EYS: variants seen among roughly 807,000 people sequenced by gnomAD.
EYS encodes EGF-like photoreceptor maintenance factor, also known as protein eyes shut homolog.
Under a neutral mutation model 282.1 loss-of-function variants are expected in EYS, and 250 were observed. The observed-to-expected ratio is 0.89, with a 90% CI of 0.80 to 0.98. The LOEUF (loss-of-function observed/expected upper bound fraction) is 0.98, where lower values mean the gene tolerates loss of function less well. Ranked by LOEUF, EYS falls within the 50% of genes least tolerant of loss-of-function variation. EYS has a pLI of 0.00. For synonymous variants in EYS, 1,355 were observed against 1,282.9 expected, an observed-to-expected ratio of 1.06 and a Z score of -1.20; for missense variants, 4,016 against 3,709.0, an observed-to-expected ratio of 1.08 and a Z score of -2.15.
Position 65,663,721 on chromosome 6 carries a change from G to C in EYS, c.-447-23829C>G, listed in dbSNP as rs1768089161. 2.0e-5 allele frequency among the ~76,000 whole-genome samples: 3 copies of C among 152,014 alleles called. 1 individual carries two copies. The South Asian group carries it at 6.2e-4, about 32-fold the overall frequency. On this transcript the variant is annotated intron_variant, in intron 1 of 42. Transcript: ENST00000503581. The stretch of plus-strand genomic sequence containing the variant: ...TTTTGAGACGGAGTCTCGCTCTCTT[G>C]CCCAGGCTGGAGTGCAGTGGCACGA...
intron 1 of EYS, among the ~76,000 whole-genome samples, chr6:65,651,648 A>C (rs912863499): frequency 3.9e-5 from 6 of 152,044 alleles, no homozygotes; most frequent in Non-Finnish European, 5.9e-5. Flanking sequence ...TAGAGGATGC[A>C]GGCTAGAATC....
At position 65,068,684 on chromosome 6, in the gene EYS, C is replaced by G. The variant is rs76912612; in HGVS notation, c.2024-10957G>C. 6.4e-3 allele frequency among the ~76,000 whole-genome samples: 966 copies of G among 152,070 alleles called. 10 individuals carry two copies. Among genetic ancestry groups the G allele is most frequent in the African/African-American group, 0.022 (920 of 41,508 alleles). On this transcript the variant is annotated intron_variant, in intron 12 of 42. Transcript: ENST00000503581. ...GTTTCTAGGTATCATAGGCCAGCTACCTCTGGCTTCAAGAAGGCTTGTAAG... is the reference window on the plus strand; with the variant it reads ...GTTTCTAGGTATCATAGGCCAGCTAGCTCTGGCTTCAAGAAGGCTTGTAAG...
chr6:64,577,019 G>A (rs919421090), intron 26 of EYS, among the ~76,000 whole-genome samples: 5 of 152,078 alleles, frequency 3.3e-5, no homozygotes, highest in Admixed American at 6.6e-5. Context: ...TACATGTAAC[G>A]GGAGGCAGAC....
chr6:63,829,227 G>C (rs2149689991), intron 36 of EYS, among the ~76,000 whole-genome samples: 1 of 152,332 alleles, frequency 6.6e-6, no homozygotes. Context: ...ACTGGGGCTT[G>C]TCAGATAGTG....
chr6:64,854,551 A>G (rs933957735), intron 19 of EYS, among the ~76,000 whole-genome samples: 1 of 133,072 alleles, frequency 7.5e-6, no homozygotes, highest in Admixed American at 9.3e-5. Context: ...ATGAGAACAC[A>G]TGGACACAGG....
chr6:64,019,421 TA>T (rs1206162243), intron 33 of EYS, among the ~76,000 whole-genome samples: 7 of 151,946 alleles, frequency 4.6e-5, no homozygotes, highest in African/African-American at 1.4e-4. Flanking sequence ...CTTTCCTTTT[TA>T]TTTTTTTAAA....
At chr6:64,525,497 G>T (rs534053918) in intron 26 of EYS, among the ~76,000 whole-genome samples, 36 of 151,516 alleles carry the variant, frequency 2.4e-4, no homozygotes, top group African/African-American at 8.0e-4. Context: ...ACAAAAGGGG[G>T]GCAATAGACA....
At chr6:64,859,425 G>T (rs963848271) in intron 19 of EYS, among the ~76,000 whole-genome samples, 2 of 147,888 alleles carry the variant, frequency 1.4e-5, no homozygotes, top group Non-Finnish European at 3.0e-5. Context: ...ACTCATGAAG[G>T]AATTGAATAA....
chr6:64,698,219 C>A (rs1167465019), intron 22 of EYS, among the ~76,000 whole-genome samples: 1 of 151,874 alleles, frequency 6.6e-6, no homozygotes, highest in Non-Finnish European at 1.5e-5. Context: ...GCATTAAATA[C>A]CTACATGAAA....
chr6:64,608,542 T>C (rs1461374386), intron 24 of EYS, among the ~76,000 whole-genome samples: 4 of 152,178 alleles, frequency 2.6e-5, no homozygotes, highest in Admixed American at 6.5e-5. Flanking sequence ...TACTGTATAA[T>C]CCAGTGAGTG....
At chr6:65,395,148 C>G (rs1485232271) in intron 7 of EYS, among the ~76,000 whole-genome samples, 1 of 152,232 alleles carries the variant, frequency 6.6e-6, no homozygotes, top group Non-Finnish European at 1.5e-5. Flanking sequence ...ACCGCAACCT[C>G]TGCCTCCCAG....
intron 26 of EYS, among the ~76,000 whole-genome samples, chr6:64,566,570 C>T (rs540594125): frequency 3.3e-5 from 5 of 152,202 alleles, no homozygotes; most frequent in Non-Finnish European, 7.4e-5. Flanking sequence ...AGGCACTACA[C>T]ATTTATCTAA....
chr6:65,012,919 TTAG>T (rs1430798829), intron 13 of EYS, among the ~76,000 whole-genome samples: 2 of 151,872 alleles, frequency 1.3e-5, no homozygotes, highest in African/African-American at 4.8e-5. Context: ...ATAGCAATGC[TTAG>T]TAGTATAGAG....
intron 15 of EYS, among the ~76,000 whole-genome samples, chr6:64,925,844 T>C (rs1267607811): frequency 6.6e-6 from 1 of 152,096 alleles, no homozygotes; most frequent in Non-Finnish European, 1.5e-5. Context: ...CAAGCGAGCC[T>C]GCATGTGGGC....
chr6:65,133,188 T>A (rs1775928951), intron 12 of EYS, among the ~76,000 whole-genome samples: 3 of 151,842 alleles, frequency 2.0e-5, no homozygotes, highest in Admixed American at 6.6e-5. Context: ...ATGACATTCT[T>A]CACAGAACTA....
intron 31 of EYS, among the ~76,000 whole-genome samples, chr6:64,191,999 T>C (rs1008750254): frequency 6.9e-5 from 10 of 145,360 alleles, no homozygotes; most frequent in Non-Finnish European, 1.4e-4. Flanking sequence ...TGTTGTTTCC[T>C]GACTTTTTAA....
chr6:65,358,923 G>T (rs1204724224), intron 8 of EYS, among the ~76,000 whole-genome samples: 1 of 151,928 alleles, frequency 6.6e-6, no homozygotes, highest in Non-Finnish European at 1.5e-5. Context: ...ACTGAAAAGA[G>T]GAATCAATTC....
At chr6:64,083,714 G>A (rs1772051699) in intron 31 of EYS, among the ~76,000 whole-genome samples, 3 of 152,190 alleles carry the variant, frequency 2.0e-5, no homozygotes, top group African/African-American at 7.2e-5. Context: ...TCAAATTTCA[G>A]ATAAATAACA....
At chr6:65,088,654 T>TG (rs1250679937) in intron 12 of EYS, among the ~76,000 whole-genome samples, 1 of 152,142 alleles carries the variant, frequency 6.6e-6, no homozygotes, top group Non-Finnish European at 1.5e-5. Flanking sequence ...ACCCATTTTC[T>TG]GGGGAGAAAT....
Sources: gnomAD v4.1 joint callset for allele counts (sites outside exome capture counted in the v4.1 genomes callset) on GRCh38, gnomAD v4.1.1 for gene constraint, MANE v1.5 for transcripts, NCBI Gene and HGNC (gene_info 2026-07-23, HGNC 2026-07-21) for gene names.